ARHGEF9: variants seen among roughly 807,000 people sequenced by gnomAD.
The protein encoded by ARHGEF9 is Cdc42 guanine nucleotide exchange factor 9, also known as rho guanine nucleotide exchange factor 9.
In ARHGEF9, 2 loss-of-function variants were observed where a neutral mutation model predicts 41.3. The observed-to-expected ratio is 0.05, with a 90% confidence interval of 0.02 to 0.15. The LOEUF is 0.15. Among genes scored for constraint, ARHGEF9 ranks in the 10% least tolerant of loss-of-function variants. The pLI is 1.00. For synonymous variants in ARHGEF9, 160 were observed against 154.4 expected (o/e 1.04, Z -0.27); for missense variants, 225 against 424.7 (o/e 0.53, Z 4.13).
At chrX:63,666,742 G>T (rs782777041) in intron 6 of ARHGEF9, among the ~76,000 whole-genome samples, 1 of 111,337 alleles carries the variant, frequency 9.0e-6, no homozygotes, top group East Asian at 2.8e-4. Flanking sequence ...GATTGAATAA[G>T]AAACTTAACT....
intron 1 of ARHGEF9, among the ~76,000 whole-genome samples, chrX:63,773,536 A>T (rs1556456140): frequency 8.9e-6 from 1 of 112,271 alleles, no homozygotes; most frequent in Non-Finnish European, 1.9e-5. Flanking sequence ...CTACTCAATC[A>T]TCTGATTCTC....
At chrX:63,647,130 C>G (rs782677165) in intron 8 of ARHGEF9, among the ~76,000 whole-genome samples, 22 of 111,291 alleles carry the variant, frequency 2.0e-4, no homozygotes, top group Non-Finnish European at 3.2e-4. Context: ...GAGATTTTGG[C>G]CTGAGACGAT....
chrX:63,754,199 A>G (rs1455765178), intron 1 of ARHGEF9: 32 of 941,760 alleles, frequency 3.4e-5, no homozygotes, highest in Non-Finnish European at 3.1e-5. Flanking sequence ...ACTTAAATAG[A>G]AAGCATTTCT....
At chrX:63,745,658 T>TA (rs781932208) in intron 1 of ARHGEF9, among the ~76,000 whole-genome samples, 2 of 111,047 alleles carry the variant, frequency 1.8e-5, no homozygotes, top group African/African-American at 3.3e-5. Flanking sequence ...TTCTCACTTG[T>TA]AAAAAAAGGA....
At chrX:63,763,366 AAATAT>A (rs1255652429) in intron 1 of ARHGEF9, among the ~76,000 whole-genome samples, 6 of 111,221 alleles carry the variant, frequency 5.4e-5, no homozygotes, top group Non-Finnish European at 1.1e-4. Context: ...TTTAGCATAT[AAATAT>A]ATTATGTATT....
intron 7 of ARHGEF9, among the ~76,000 whole-genome samples, chrX:63,656,049 C>G (rs2048859774): frequency 8.9e-6 from 1 of 111,819 alleles, no homozygotes; most frequent in Admixed American, 9.5e-5. Flanking sequence ...CTAGCAAGGG[C>G]TTCTCCTTTT....
At chrX:63,710,361 A>G (rs2052852446) in intron 2 of ARHGEF9, among the ~76,000 whole-genome samples, 1 of 109,405 alleles carries the variant, frequency 9.1e-6, no homozygotes, top group Admixed American at 9.8e-5. Flanking sequence ...TCTACCAAAC[A>G]TTTAAAAAAT....
At chrX:63,651,022 T>C (rs782098027) in intron 8 of ARHGEF9, among the ~76,000 whole-genome samples, 18 of 110,867 alleles carry the variant, frequency 1.6e-4, no homozygotes, top group Admixed American at 3.9e-4. Context: ...GGCAGAAATG[T>C]ACAGAATCTA....
At chrX:63,718,677 C>A (rs782819660) in intron 2 of ARHGEF9, among the ~76,000 whole-genome samples, 1 of 112,021 alleles carries the variant, frequency 8.9e-6, no homozygotes, top group Non-Finnish European at 1.9e-5. Flanking sequence ...TACCATCTTC[C>A]TATTGAAAAA....
At chrX:63,736,555 T>C (rs1266577720) in intron 1 of ARHGEF9, among the ~76,000 whole-genome samples, 26 of 111,467 alleles carry the variant, frequency 2.3e-4, no homozygotes, top group Admixed American at 9.5e-5. Flanking sequence ...GTAAGAAAAA[T>C]GAGGCTCCAA....
intron 6 of ARHGEF9, among the ~76,000 whole-genome samples, chrX:63,668,301 C>A (rs1244773753): frequency 9.0e-6 from 1 of 110,634 alleles, no homozygotes; most frequent in African/African-American, 3.3e-5. Context: ...CCATGCCCAG[C>A]TAATTTTTAT....
intron 3 of ARHGEF9, among the ~76,000 whole-genome samples, chrX:63,700,960 T>C (rs2052119727): frequency 9.1e-6 from 1 of 110,447 alleles, no homozygotes; most frequent in Admixed American, 9.6e-5. Context: ...GGCCAGAGAG[T>C]AGCTAAGATA....
At chrX:63,769,607 G>GA (rs2056170222) in intron 1 of ARHGEF9, among the ~76,000 whole-genome samples, 1 of 111,532 alleles carries the variant, frequency 9.0e-6, no homozygotes, top group African/African-American at 3.3e-5. Flanking sequence ...GGTTTAGGAG[G>GA]AAAAAATTGT....
At chrX:63,686,580 A>G (rs112447063) in intron 4 of ARHGEF9, among the ~76,000 whole-genome samples, 2,077 of 112,035 alleles carry the variant, frequency 0.019, 19 homozygotes, top group Middle Eastern at 0.041. Context: ...AGACACAGTT[A>G]AGAAAATGAA....
chrX:63,665,775 T>C (rs1410331808), intron 7 of ARHGEF9, 111 bp downstream of exon 7: 1 of 980,544 alleles, frequency 1.0e-6, no homozygotes, highest in Non-Finnish European at 1.4e-6. Context: ...CTGTCTGTTT[T>C]CCCCCCATCA....
chrX:63,641,429 A>C (rs1425940440), intron 9 of ARHGEF9: 4 of 111,110 alleles, frequency 3.6e-5, no homozygotes, highest in Non-Finnish European at 7.5e-5. Context: ...TTGCTGTTAA[A>C]GAAAGAAAAC....
At chrX:63,750,297 A>G (rs2055542272) in intron 1 of ARHGEF9, among the ~76,000 whole-genome samples, 1 of 111,284 alleles carries the variant, frequency 9.0e-6, no homozygotes, top group African/African-American at 3.3e-5. Context: ...CCTTACCTCA[A>G]GGGCAGAAGA....
At chrX:63,709,431 T>G (rs1485856076) in intron 2 of ARHGEF9, among the ~76,000 whole-genome samples, 2 of 112,309 alleles carry the variant, frequency 1.8e-5, no homozygotes, top group East Asian at 5.6e-4. Flanking sequence ...ACGGAGTGCT[T>G]TCCAAATTGG....
At chrX:63,677,860 T>C (rs1450631267) in intron 5 of ARHGEF9, among the ~76,000 whole-genome samples, 1 of 112,015 alleles carries the variant, frequency 8.9e-6, no homozygotes, top group Non-Finnish European at 1.9e-5. Context: ...TTAAAAACTT[T>C]TTTCTGGAAC....
Sources: gnomAD v4.1 joint callset for allele counts (sites outside exome capture counted in the v4.1 genomes callset) on GRCh38, gnomAD v4.1.1 for gene constraint, MANE v1.5 for transcripts, NCBI Gene and HGNC (gene_info 2026-07-23, HGNC 2026-07-21) for gene names.